The following ADAM11 variants were observed in gnomAD, a reference collection of about 807,000 sequenced individuals.
ADAM11 encodes the protein disintegrin and metalloproteinase domain-containing protein 11.
A neutral mutation model predicts 119.1 loss-of-function variants in ADAM11; 49 were observed. The ratio of observed to expected loss-of-function variants is 0.41; its 90% confidence interval spans 0.33 to 0.52. The LOEUF is 0.52. Ranked by LOEUF, ADAM11 falls within the 20% of genes least tolerant of loss-of-function variation. The pLI is 0.20. For synonymous variants in ADAM11, 364 were observed against 408.0 expected (o/e 0.89, Z 1.30); for missense variants, 777 against 1,047.5 (o/e 0.74, Z 3.56).
At position 44,775,487 on chromosome 17, in the gene ADAM11, A is replaced by C; in HGVS notation, c.1392+22A>C. 6.3e-7 allele frequency: 1 copy of C among 1,599,868 alleles called. No individual in the cohort carries two copies. ...GCAGGTGAGCGGTGGTGCGGGCGCC[A>C]GGTGGGGAACCGGGATGCGGGGGTG... On this transcript the variant is annotated intron_variant, in intron 16 of 26. Coordinates refer to ENST00000200557, the MANE Select transcript of ADAM11 (RefSeq NM_002390.6). This position sits in a 1 kb window ranked among gnomAD's most constrained non-coding sequence, Gnocchi z 7.5.
intron 14 of ADAM11, 114 bp downstream of exon 14, chr17:44,774,863 C>A: frequency 7.6e-7 from 1 of 1,317,080 alleles, no homozygotes; most frequent in Non-Finnish European, 1.0e-6. Flanking sequence ...CAGAACCACT[C>A]AGGATCCCAA....
At position 44,772,445 on chromosome 17, in the gene ADAM11, G is replaced by C; in HGVS notation, c.657G>C (p.Pro219=). The stretch of plus-strand genomic sequence containing the variant: ...CCCAGTCGGCTCCTCCAAACCGGCC[G>C]AGGCTGAGAAGGAAAAGGCAGGTAC... The part of the protein sequence containing the change: ...VPAQSAPPNR[P]RLRRKRQVRR... Residue 219 remains proline (P), a synonymous_variant, in exon 8 of 27, where the codon CCG becomes CCC. Coordinates refer to ENST00000200557, the MANE Select transcript of ADAM11 (RefSeq NM_002390.6). This position sits in a 1 kb window ranked among gnomAD's most constrained non-coding sequence, Gnocchi z 4.5. The C allele has an allele frequency of 1.3e-6, 2 of 1,575,294 alleles. No homozygotes were observed. Among genetic ancestry groups the C allele is most frequent in the Non-Finnish European group, 1.7e-6 (2 of 1,160,076 alleles).
At position 44,773,190 on chromosome 17, in the gene ADAM11, C is replaced by T; in HGVS notation, c.826-71C>T. 5 of 1,593,768 alleles carry T rather than the reference C, an allele frequency of 3.1e-6. No individual in the cohort carries two copies. The highest frequency in any genetic ancestry group is 4.5e-5 in the East Asian group (2 of 44,480). ...CCTGGCTCCCACTTCCTGGAGAGAA[C>T]AGACAGGCCCTCCTCCAGCCCTGGC... is the stretch of plus-strand genomic sequence containing the variant. On this transcript the variant is annotated intron_variant, in intron 10 of 26. Transcript: ENST00000200557. This position sits in a 1 kb window ranked among gnomAD's most constrained non-coding sequence, Gnocchi z 4.6.
chr17:44,769,653 A>G (rs2145218931), intron 2 of ADAM11, 65 bp from the exon 3 acceptor site: 1 of 1,042,792 alleles, frequency 9.6e-7, no homozygotes, highest in Non-Finnish European at 1.5e-6. Context: ...TGCTCCCGGG[A>G]TCCCCCCGAC....
At chr17:44,770,193 C>T (rs1185483617) in intron 4 of ADAM11, 145 bp downstream of exon 4, 2 of 1,022,802 alleles carry the variant, frequency 2.0e-6, no homozygotes, top group Non-Finnish European at 2.8e-6. Flanking sequence ...TCTCCCGACC[C>T]AGGAGGCTCT....
chr17:44,774,568 A>G lies in ADAM11; in HGVS notation c.1154A>G (p.His385Arg). The G allele has an allele frequency of 6.2e-7, 1 of 1,613,118 alleles. No homozygotes were observed. Among genetic ancestry groups the G allele is most frequent in the Non-Finnish European group, 8.5e-7 (1 of 1,179,664 alleles). ...AACCTGGGCATGATGTGGAACAAAC[A>G]CCGGAGCTCGGCAGGTATCCTCCCC... ...GQNLGMMWNKHRSSAGDCKCP... is the reference protein window; with the variant it reads ...GQNLGMMWNKRRSSAGDCKCP... The change falls in exon 13 of 27, where the codon CAC (histidine) becomes CGC (arginine). Residue 385 changes from histidine to arginine, a missense_variant. Physicochemically the swap from His to Arg is conservative, Grantham distance 29. Transcript: ENST00000200557.
chr17:44,775,766 G>A lies in ADAM11; in HGVS notation c.1485+90G>A. The A allele has an allele frequency of 7.4e-7, 1 of 1,347,524 alleles. No individual in the cohort carries two copies. Among genetic ancestry groups the A allele is most frequent in the Non-Finnish European group, 1.0e-6 (1 of 996,312 alleles). 83.5% of individuals were successfully genotyped at this position (1,347,524 alleles called of 1,614,324 possible). On this transcript the variant is annotated intron_variant, in intron 17 of 26. Transcript: ENST00000200557. This position sits in a 1 kb window ranked among gnomAD's most constrained non-coding sequence, Gnocchi z 7.5. ...AGGGGTGGGAGCTAGGGAGGGAAGC[G>A]GAGCCTTCGGGGACGAAGGCCTCTG...
At chr17:44,761,051 C>T (rs2049383068) in intron 2 of ADAM11, among the ~76,000 whole-genome samples, 1 of 151,940 alleles carries the variant, frequency 6.6e-6, no homozygotes, top group African/African-American at 2.4e-5. Context: ...GTGGAAGCTG[C>T]CTTCAGCAAC....
Position 44,773,388 on chromosome 17 carries a change from A to G in ADAM11, c.953A>G (p.Glu318Gly), listed in dbSNP as rs756174420. The change falls in exon 11 of 27, where the codon GAG becomes GGG. Residue 318 changes from glutamate to glycine, a missense_variant. By Grantham distance (98) the Glu-to-Gly change is moderately conservative (BLOSUM62 -2). Coordinates refer to ENST00000200557, the MANE Select transcript of ADAM11 (RefSeq NM_002390.6). This position sits in a 1 kb window ranked among gnomAD's most constrained non-coding sequence, Gnocchi z 4.6. Reference sequence around the variant, plus strand: ...GCCCGGCTCATGGTCTACCGACGGGAGGGTCTGCCTGAGCCCAGTGATGCC... The same window carrying G: ...GCCCGGCTCATGGTCTACCGACGGGGGGGTCTGCCTGAGCCCAGTGATGCC... ...TLARLMVYRREGLPEPSDATH... is the reference protein window; with the variant it reads ...TLARLMVYRRGGLPEPSDATH... The G allele has an allele frequency of 3.7e-6, 6 of 1,613,856 alleles. No homozygotes were observed. The highest frequency in any genetic ancestry group is 5.1e-6 in the Non-Finnish European group (6 of 1,179,952).
chr17:44,773,474 C>T lies in ADAM11; in HGVS notation c.992+47C>T. The T allele has an allele frequency of 6.3e-7, 1 of 1,594,598 alleles. No homozygotes were observed. Among genetic ancestry groups the T allele is most frequent in the East Asian group, 2.2e-5 (1 of 44,620 alleles). ...TCCTGCCAGCCTCTGCTAGTTGCTA[C>T]AGTGCTTGGGATTACTTAACACCTG... On this transcript the variant is annotated intron_variant, in intron 11 of 26. Coordinates refer to ENST00000200557, the MANE Select transcript of ADAM11 (RefSeq NM_002390.6). The surrounding 1 kb of genome is among the most constrained non-coding windows in gnomAD (Gnocchi z 4.6).
Position 44,772,201 on chromosome 17 carries a change from C to A in ADAM11, c.544-66C>A. 2.0e-6 allele frequency: 3 copies of A among 1,465,800 alleles called. No homozygotes were observed. The highest frequency in any genetic ancestry group is 2.4e-5 in the East Asian group (1 of 41,398). 90.8% of individuals were successfully genotyped at this position (1,465,800 alleles called of 1,614,324 possible). A position where few individuals can be genotyped will look rare whatever the true frequency, so the allele number is the denominator to read the frequency against. ...GGGTGGAGGCGAGGGCTGGATCTGG[C>A]CCCCGCCAAGTGGGCCTGGAGCAGG... is the stretch of plus-strand genomic sequence containing the variant. On this transcript the variant is annotated intron_variant, in intron 6 of 26. Transcript: ENST00000200557. The surrounding 1 kb of genome is among the most constrained non-coding windows in gnomAD (Gnocchi z 4.5).
At chr17:44,771,540 C>A in intron 4 of ADAM11, 44 bp from the exon 5 acceptor site, 1 of 1,596,404 alleles carries the variant, frequency 6.3e-7, no homozygotes. Flanking sequence ...ATTGGCTGCC[C>A]CCGGCCTCAT....
At position 44,775,107 on chromosome 17, in the gene ADAM11, C is replaced by A. The variant is rs1449703424; in HGVS notation, c.1221-105C>A. The A allele has an allele frequency of 1.6e-5, 16 of 981,444 alleles. No homozygotes were observed. In the South Asian group the frequency reaches 2.0e-4, roughly 12 times the overall value. 60.8% of individuals were successfully genotyped at this position (981,444 alleles called of 1,614,324 possible). A position where few individuals can be genotyped will look rare whatever the true frequency, so the allele number is the denominator to read the frequency against. On this transcript the variant is annotated intron_variant, in intron 14 of 26. Coordinates refer to ENST00000200557, the MANE Select transcript of ADAM11 (RefSeq NM_002390.6). This position sits in a 1 kb window ranked among gnomAD's most constrained non-coding sequence, Gnocchi z 7.5. ...TCCCGGGGCAGATCCTCCGCCTCCT[C>A]GCGATGGTGACGAAGTCCCCCAGTG...
intron 2 of ADAM11, among the ~76,000 whole-genome samples, chr17:44,761,810 C>T (rs2049392498): frequency 2.0e-5 from 3 of 148,108 alleles, no homozygotes; most frequent in Admixed American, 6.7e-5. Flanking sequence ...CTCTGTAAGG[C>T]TTGTAACTTT....
chr17:44,759,395 CG>C, intron 1 of ADAM11, 135 bp downstream of exon 1: 1 of 1,260,612 alleles, frequency 7.9e-7, no homozygotes, highest in Non-Finnish European at 1.0e-6. Flanking sequence ...GGTAGGGGAG[CG>C]GGAGAGGAGG....
At position 44,777,449 on chromosome 17, in the gene ADAM11, C is replaced by T. The variant is rs780601320; in HGVS notation, c.1782-33C>T. On this transcript the variant is annotated intron_variant, in intron 21 of 26. Coordinates refer to ENST00000200557, the MANE Select transcript of ADAM11 (RefSeq NM_002390.6). This position sits in a 1 kb window ranked among gnomAD's most constrained non-coding sequence, Gnocchi z 5.1. ...TTCAGTAGTTGAGTCTGAGGTCAAACTTGGGGCTCACTGTCTCTATATGCC... is the reference window on the plus strand; with the variant it reads ...TTCAGTAGTTGAGTCTGAGGTCAAATTTGGGGCTCACTGTCTCTATATGCC... 1.9e-6 allele frequency: 3 copies of T among 1,607,426 alleles called. No individual in the cohort carries two copies. The highest frequency in any genetic ancestry group is 2.6e-6 in the Non-Finnish European group (3 of 1,174,164).
Position 44,772,273 on chromosome 17 carries a change from C to T in ADAM11, c.550C>T (p.Leu184Phe). Residue 184 changes from leucine to phenylalanine, a missense_variant, in exon 7 of 27, where the codon CTT (leucine) becomes TTT (phenylalanine). By Grantham distance (22) the Leu-to-Phe change is conservative. Transcript: ENST00000200557. This position sits in a 1 kb window ranked among gnomAD's most constrained non-coding sequence, Gnocchi z 4.5. ...AGPWGAPQGP[L>F]PHLIYRTPLL... ...TAATTTCCCCTCATTGCAGGGACCCCTTCCCCACCTCATTTACCGGACCCC... is the reference window on the plus strand; with the variant it reads ...TAATTTCCCCTCATTGCAGGGACCCTTTCCCCACCTCATTTACCGGACCCC... 1 of 1,608,272 alleles carries T rather than the reference C, an allele frequency of 6.2e-7. No homozygotes were observed. Among genetic ancestry groups the T allele is most frequent in the Non-Finnish European group, 8.5e-7 (1 of 1,177,084 alleles).
chr17:44,775,370 TC>T lies in ADAM11; in HGVS notation c.1321-21del, dbSNP rs2088102541. ...GCCCTGGGCGGGGTCCGGGCCAGAC[TC>T]CCGACCTGTCCTCCCGGTCCAGCTC... is the stretch of plus-strand genomic sequence containing the variant. On this transcript the variant is annotated intron_variant, in intron 15 of 26. Coordinates refer to ENST00000200557, the MANE Select transcript of ADAM11 (RefSeq NM_002390.6). This position sits in a 1 kb window ranked among gnomAD's most constrained non-coding sequence, Gnocchi z 7.5. The T allele has an allele frequency of 1.2e-6, 2 of 1,612,632 alleles. No homozygotes were observed. The highest frequency in any genetic ancestry group is 1.3e-5 in the African/African-American group (1 of 74,846).
Position 44,770,185 on chromosome 17 carries a change from T to G in ADAM11, c.381+137T>G, listed in dbSNP as rs1372542825. ...CTGGCCCCTCAGCACCTTCCCTCTC[T>G]CCCGACCCAGGAGGCTCTGAGGGTG... On this transcript the variant is annotated intron_variant, in intron 4 of 26. Transcript: ENST00000200557. The G allele has an allele frequency of 3.1e-5, 33 of 1,078,362 alleles. No individual in the cohort carries two copies. In the South Asian group the frequency reaches 4.0e-4, roughly 13 times the overall value. 66.8% of individuals were successfully genotyped at this position (1,078,362 alleles called of 1,614,324 possible).
Sources: gnomAD v4.1 joint callset for allele counts (sites outside exome capture counted in the v4.1 genomes callset) on GRCh38, gnomAD v4.1.1 for gene constraint, Gnocchi (gnomAD v3.1) non-coding constraint, MANE v1.5 for transcripts, NCBI Gene and HGNC (gene_info 2026-07-23, HGNC 2026-07-21) for gene names.